UNC5D: variants seen among roughly 807,000 people sequenced by gnomAD.
UNC5D encodes netrin receptor UNC5D.
UNC5D carries 39 observed loss-of-function variants against 105.4 expected under a neutral mutation model. The ratio of observed to expected loss-of-function variants is 0.37; its 90% CI spans 0.29 to 0.48. UNC5D has a LOEUF of 0.48. Ranked by LOEUF, UNC5D falls within the 20% of genes least tolerant of loss-of-function variation. The probability of loss-of-function intolerance (pLI) is 0.98; values close to 1 mark genes in which losing one functional copy is unlikely to be tolerated. For synonymous variants in UNC5D, 452 were observed against 450.4 expected, an observed-to-expected ratio of 1.00 and a Z score of -0.04; for missense variants, 991 against 1,202.4, an observed-to-expected ratio of 0.82 and a Z score of 2.60.
intron 1 of UNC5D, among the ~76,000 whole-genome samples, chr8:35,459,795 A>G (rs903373238): frequency 2.6e-5 from 4 of 152,114 alleles, no homozygotes; most frequent in Admixed American, 2.0e-4. Flanking sequence ...TTCACTAATG[A>G]GCCTTGTGTT....
At chr8:35,306,747 G>A (rs1254423677) in intron 1 of UNC5D, among the ~76,000 whole-genome samples, 1 of 152,020 alleles carries the variant, frequency 6.6e-6, no homozygotes, top group Admixed American at 6.6e-5. Context: ...ATGTTCATAT[G>A]GAGTATCTGC....
At chr8:35,632,776 G>T (rs1197465509) in intron 4 of UNC5D, among the ~76,000 whole-genome samples, 2 of 152,172 alleles carry the variant, frequency 1.3e-5, no homozygotes. Flanking sequence ...GGCCAGAGGG[G>T]CTCAGGCAAG....
intron 1 of UNC5D, among the ~76,000 whole-genome samples, chr8:35,428,398 C>T (rs543822059): frequency 2.0e-4 from 27 of 132,678 alleles, no homozygotes; most frequent in Non-Finnish European, 3.4e-4. Flanking sequence ...GTTGCCCATG[C>T]GGGTCTCAAA....
chr8:35,603,152 A>G (rs1176581003), intron 4 of UNC5D, among the ~76,000 whole-genome samples: 1 of 151,964 alleles, frequency 6.6e-6, no homozygotes, highest in African/African-American at 2.4e-5. Context: ...TGTCAATTTT[A>G]GATCTTTCCT....
chr8:35,577,972 C>T (rs1818203622), intron 3 of UNC5D, among the ~76,000 whole-genome samples: 1 of 151,938 alleles, frequency 6.6e-6, no homozygotes, highest in South Asian at 2.1e-4. Flanking sequence ...TGCCTGTAAT[C>T]CTAACACTTT....
chr8:35,576,859 C>T (rs1189378073), intron 3 of UNC5D, among the ~76,000 whole-genome samples: 5 of 152,084 alleles, frequency 3.3e-5, no homozygotes, highest in South Asian at 4.1e-4. Flanking sequence ...GTGATCCTCC[C>T]GCCTCGGCCT....
chr8:35,720,968 C>A (rs1279081699), intron 8 of UNC5D, among the ~76,000 whole-genome samples: 1 of 151,964 alleles, frequency 6.6e-6, no homozygotes, highest in Non-Finnish European at 1.5e-5. Flanking sequence ...ATTTTACAGT[C>A]CACTAACTGT....
At chr8:35,525,483 T>A (rs966555600) in intron 1 of UNC5D, 1 of 1,612,134 alleles carries the variant, frequency 6.2e-7, no homozygotes, top group African/African-American at 1.3e-5. Context: ...CTCCTCCTTC[T>A]CTGTCCGTGC....
At chr8:35,729,868 T>C (rs1011319824) in intron 10 of UNC5D, among the ~76,000 whole-genome samples, 10 of 152,254 alleles carry the variant, frequency 6.6e-5, no homozygotes, top group African/African-American at 2.2e-4. Flanking sequence ...AAGATACTGA[T>C]AACTAGCATA....
chr8:35,674,659 T>A (rs1216225949), intron 4 of UNC5D, among the ~76,000 whole-genome samples: 1 of 152,068 alleles, frequency 6.6e-6, no homozygotes, highest in Non-Finnish European at 1.5e-5. Context: ...GAATGAGAAA[T>A]GTATTGGTTA....
At chr8:35,502,677 G>A (rs556563996) in intron 1 of UNC5D, among the ~76,000 whole-genome samples, 16 of 151,750 alleles carry the variant, frequency 1.1e-4, no homozygotes, top group Non-Finnish European at 2.1e-4. Context: ...CCCTGCCTCC[G>A]CCTCCTGAGT....
At chr8:35,321,145 CA>C (rs1236581560) in intron 1 of UNC5D, among the ~76,000 whole-genome samples, 1 of 152,124 alleles carries the variant, frequency 6.6e-6, no homozygotes, top group Non-Finnish European at 1.5e-5. Context: ...CCTTGGACCA[CA>C]ATTTGCTTTT....
In UNC5D at chr8:35,540,524, A is replaced by G. The variant is rs1177658024; in HGVS notation, c.104-8768A>G. 2.6e-5 allele frequency among the ~76,000 whole-genome samples: 4 copies of G among 151,672 alleles called. No homozygotes were observed. In the East Asian group the frequency reaches 7.8e-4, roughly 29 times the overall value. The stretch of plus-strand genomic sequence containing the variant: ...TATTCTAGAAACCTAAAAATAGAGA[A>G]AAAGCAAAAAACTTAATACAAACTT... On this transcript the variant is annotated intron_variant, in intron 1 of 16. Transcript: ENST00000404895.
intron 4 of UNC5D, among the ~76,000 whole-genome samples, chr8:35,622,142 G>C (rs373107396): frequency 5.3e-5 from 8 of 152,218 alleles, no homozygotes; most frequent in Middle Eastern, 3.4e-3. Flanking sequence ...AAGAGATCGA[G>C]ACCATCCTGG....
At chr8:35,509,413 C>T (rs1270948060) in intron 1 of UNC5D, among the ~76,000 whole-genome samples, 1 of 141,018 alleles carries the variant, frequency 7.1e-6, no homozygotes, top group East Asian at 2.2e-4. Flanking sequence ...TTGCTAGAGC[C>T]CTGCAGTCAG....
At chr8:35,248,296 TAAA>T (rs1246912507) in intron 1 of UNC5D, among the ~76,000 whole-genome samples, 1 of 110,782 alleles carries the variant, frequency 9.0e-6, no homozygotes, top group African/African-American at 3.8e-5. Context: ...ATATGTTATA[TAAA>T]ATATATAATA....
At chr8:35,766,081 C>A (rs1164146096) in intron 14 of UNC5D, among the ~76,000 whole-genome samples, 1 of 152,102 alleles carries the variant, frequency 6.6e-6, no homozygotes, top group East Asian at 1.9e-4. Flanking sequence ...AATGAGTAAT[C>A]TATAGATTTT....
chr8:35,260,409 C>T (rs1804402282), intron 1 of UNC5D, among the ~76,000 whole-genome samples: 1 of 152,282 alleles, frequency 6.6e-6, no homozygotes. Flanking sequence ...CCATTTGCGT[C>T]GTCCACAAAG....
chr8:35,695,740 T>G lies in UNC5D; in HGVS notation c.1084+9031T>G, dbSNP rs1337433478. On this transcript the variant is annotated intron_variant, in intron 7 of 16. Coordinates refer to ENST00000404895, the MANE Select transcript of UNC5D (RefSeq NM_080872.4). ...TTATTTATTTATTTATTTATTTATT[T>G]ATTTATTTATTTGAAATGGAGTCTT... Among the ~76,000 whole-genome samples the G allele has an allele frequency of 2.6e-5, 4 of 151,372 alleles. No individual in the cohort carries two copies. The East Asian group carries it at 7.7e-4, about 29-fold the overall frequency.
Sources: gnomAD v4.1 joint callset for allele counts (sites outside exome capture counted in the v4.1 genomes callset) on GRCh38, gnomAD v4.1.1 for gene constraint, MANE v1.5 for transcripts, NCBI Gene and HGNC (gene_info 2026-07-23, HGNC 2026-07-21) for gene names.